The following CDYL variants were observed in gnomAD, a reference collection of about 807,000 sequenced individuals.
CDYL encodes chromodomain Y like, also known as chromodomain Y-like protein.
CDYL carries 8 observed loss-of-function variants against 47.3 expected under a neutral mutation model. The ratio of observed to expected loss-of-function variants is 0.17; its 90% CI spans 0.10 to 0.31. The LOEUF (loss-of-function observed/expected upper bound fraction) is 0.31, where lower values mean the gene tolerates loss of function less well. CDYL is among the 10% of genes least tolerant of loss of function. The pLI is 1.00. For synonymous variants in CDYL, 266 were observed against 265.0 expected, an observed-to-expected ratio of 1.00 and a Z score of -0.04; for missense variants, 471 against 701.4, an observed-to-expected ratio of 0.67 and a Z score of 3.71.
chr6:4,933,181 C>A (rs1160712717), intron 2 of CDYL, among the ~76,000 whole-genome samples: 1 of 152,236 alleles, frequency 6.6e-6, no homozygotes. Flanking sequence ...CTCTCTGTCT[C>A]AGTCTTCCCC....
chr6:4,900,018 A>G (rs1017211094), intron 2 of CDYL, among the ~76,000 whole-genome samples: 3 of 152,214 alleles, frequency 2.0e-5, no homozygotes, highest in Non-Finnish European at 4.4e-5. Context: ...ATCCTGTTGT[A>G]AACAGAATGT....
chr6:4,901,181 C>T lies in CDYL; in HGVS notation c.691+8802C>T, dbSNP rs78789753. Among the ~76,000 whole-genome samples the T allele has an allele frequency of 1.0e-3, 159 of 152,098 alleles. 3 individuals are homozygous for T. The East Asian group carries it at 0.029, about 28-fold the overall frequency. On this transcript the variant is annotated intron_variant, in intron 2 of 6. Coordinates refer to ENST00000397588, the MANE Select transcript of CDYL (RefSeq NM_004824.4). ...AATTTAGATTTCTTAGGTCAGATGA[C>T]ATAAAAGGAATATTTCTAACTATAG...
intron 2 of CDYL, among the ~76,000 whole-genome samples, chr6:4,726,114 T>C (rs1757508321): frequency 6.6e-6 from 1 of 152,134 alleles, no homozygotes; most frequent in Non-Finnish European, 1.5e-5. Context: ...ATTTAGAGGT[T>C]AAAATTCTAA....
intron 1 of CDYL, chr6:4,836,372 G>A (rs1760307026): frequency 2.0e-6 from 1 of 499,118 alleles, no homozygotes; most frequent in Non-Finnish European, 2.6e-6. Context: ...GAGGAGTTGG[G>A]ATTTTAAACC....
At chr6:4,933,275 A>G (rs1236363170) in intron 2 of CDYL, among the ~76,000 whole-genome samples, 1 of 152,122 alleles carries the variant, frequency 6.6e-6, no homozygotes, top group Non-Finnish European at 1.5e-5. Context: ...CCCCTGATCT[A>G]GATGTGCACT....
chr6:4,800,516 C>T (rs1469722598), intron 1 of CDYL, among the ~76,000 whole-genome samples: 4 of 152,106 alleles, frequency 2.6e-5, no homozygotes, highest in Non-Finnish European at 5.9e-5. Context: ...ACATAATTAC[C>T]ATTTCTGGCT....
At chr6:4,879,127 A>G (rs574542122) in intron 1 of CDYL, among the ~76,000 whole-genome samples, 3 of 152,308 alleles carry the variant, frequency 2.0e-5, no homozygotes, top group African/African-American at 4.8e-5. Flanking sequence ...GTGGTCTATC[A>G]TTGTGAATAT....
intron 1 of CDYL, among the ~76,000 whole-genome samples, chr6:4,876,899 C>T (rs537019574): frequency 1.2e-4 from 19 of 152,290 alleles, no homozygotes; most frequent in South Asian, 8.3e-4. Context: ...TGGGGATTAA[C>T]GCAGTGCCAT....
At chr6:4,890,255 A>G in intron 1 of CDYL, 1 of 656,078 alleles carries the variant, frequency 1.5e-6, no homozygotes, top group Non-Finnish European at 1.9e-6. Context: ...ACTTTTCCAG[A>G]AATATGTCTT....
intron 2 of CDYL, 26 bp downstream of exon 2, chr6:4,892,405 C>T: frequency 6.4e-7 from 1 of 1,568,388 alleles, no homozygotes; most frequent in South Asian, 1.2e-5. Flanking sequence ...GCTGCTCAGG[C>T]TCCGTGGTGA....
At chr6:4,770,484 A>G (rs747742017) in intron 3 of CDYL, among the ~76,000 whole-genome samples, 1 of 152,216 alleles carries the variant, frequency 6.6e-6, no homozygotes, top group Non-Finnish European at 1.5e-5. Flanking sequence ...TAATATTTGT[A>G]AAGTGCTTAG....
In CDYL at chr6:4,883,117, G is replaced by A. The variant is rs140995908; in HGVS notation, c.25-8596G>A. Among the ~76,000 whole-genome samples the A allele has an allele frequency of 2.3e-3, 357 of 152,302 alleles. 4 individuals are homozygous for A. The highest frequency in any genetic ancestry group is 8.1e-3 in the African/African-American group (337 of 41,572). ...CTTACAGAAGGGCTGGGTATGAGTA[G>A]GGTATCATTGGTAAACAGGTGAAAA... is the stretch of plus-strand genomic sequence containing the variant. On this transcript the variant is annotated intron_variant, in intron 1 of 6. Transcript: ENST00000397588.
At position 4,880,084 on chromosome 6, in the gene CDYL, G is replaced by A. The variant is rs374489099; in HGVS notation, c.25-11629G>A. Among the ~76,000 whole-genome samples the A allele has an allele frequency of 2.1e-4, 32 of 151,892 alleles. No individual in the cohort carries two copies. In the South Asian group the frequency reaches 2.7e-3, roughly 13 times the overall value. On this transcript the variant is annotated intron_variant, in intron 1 of 6. Transcript: ENST00000397588. ...TTAGTTTACATCAGGGTTCACTCTT[G>A]GTGTTATGCATTCTATGGGTTAGAC...
At position 4,809,293 on chromosome 6, in the gene CDYL, C is replaced by T. The variant is rs11961459; in HGVS notation, c.24+32486C>T. On this transcript the variant is annotated intron_variant, in intron 1 of 6. Transcript: ENST00000397588. ...GATCATCTTCATTTTAAAAAATAGC[C>T]ACTCCTTCGTGTGGATGTACCATAG... Among the ~76,000 whole-genome samples, 880 of 152,262 alleles carry T rather than the reference C, an allele frequency of 5.8e-3. 8 individuals are homozygous for T. Among genetic ancestry groups the T allele is most frequent in the African/African-American group, 0.02 (844 of 41,530 alleles).
intron 6 of CDYL, among the ~76,000 whole-genome samples, chr6:4,952,988 G>A (rs1581298419): frequency 6.6e-6 from 1 of 151,656 alleles, no homozygotes; most frequent in South Asian, 2.1e-4. Flanking sequence ...GGCTGGTCTC[G>A]AACTCCTGAC....
At chr6:4,871,502 A>G (rs62386612) in intron 1 of CDYL, among the ~76,000 whole-genome samples, 12,473 of 152,236 alleles carry the variant, frequency 0.082, 630 homozygotes, top group South Asian at 0.14. Flanking sequence ...TATTGCTATA[A>G]TGGAAGACTG....
At chr6:4,851,522 G>C (rs1471058862) in intron 1 of CDYL, among the ~76,000 whole-genome samples, 1 of 152,120 alleles carries the variant, frequency 6.6e-6, no homozygotes, top group African/African-American at 2.4e-5. Context: ...TAGGAAGCTG[G>C]AGTCTGGGGG....
chr6:4,793,648 C>T (rs1437158593), intron 1 of CDYL, among the ~76,000 whole-genome samples: 1 of 152,080 alleles, frequency 6.6e-6, no homozygotes, highest in Non-Finnish European at 1.5e-5. Flanking sequence ...AGAAGGAAGC[C>T]GGGAGACCAA....
At chr6:4,851,726 G>C (rs924294736) in intron 1 of CDYL, among the ~76,000 whole-genome samples, 29 of 152,206 alleles carry the variant, frequency 1.9e-4, no homozygotes, top group Non-Finnish European at 7.3e-5. Flanking sequence ...GATCGTGGCT[G>C]TGCACGTAGT....
Sources: allele counts gnomAD v4.1 joint callset (sites outside exome capture counted in the v4.1 genomes callset), GRCh38; gene constraint gnomAD v4.1.1; transcripts MANE v1.5; gene names NCBI Gene and HGNC (gene_info 2026-07-23, HGNC 2026-07-21).